The following SELENOF variants were observed in gnomAD, a reference collection of about 807,000 sequenced individuals.
SELENOF encodes selenoprotein F, also known as 15 kDa selenoprotein.
In SELENOF, 16 loss-of-function variants were observed where a neutral mutation model predicts 20.5. The observed-to-expected ratio is 0.78, with a 90% confidence interval of 0.53 to 1.19. The LOEUF (loss-of-function observed/expected upper bound fraction) is 1.19, where lower values mean the gene tolerates loss of function less well. SELENOF is among the 50% of genes most tolerant of loss of function. The pLI, the probability that SELENOF is intolerant of heterozygous loss-of-function variation, is 0.00. For synonymous variants in SELENOF, 78 were observed against 74.5 expected (o/e 1.05, Z -0.24); for missense variants, 215 against 194.2 (o/e 1.11, Z -0.64).
chr1:86,901,117 T>G (rs892252457), intron 2 of SELENOF, among the ~76,000 whole-genome samples: 3 of 152,218 alleles, frequency 2.0e-5, no homozygotes, highest in Admixed American at 2.0e-4. Context: ...TAAATATTTT[T>G]AATGTAAGGC....
chr1:86,891,561 A>G (rs927700190), intron 2 of SELENOF, among the ~76,000 whole-genome samples: 5 of 152,208 alleles, frequency 3.3e-5, no homozygotes, highest in East Asian at 1.9e-4. Flanking sequence ...GAAAGTTGTA[A>G]TATGTTTAGA....
chr1:86,903,409 T>C lies in SELENOF; in HGVS notation c.124A>G (p.Arg42Gly). 1 of 1,610,612 alleles carries C rather than the reference T, an allele frequency of 6.2e-7. No individual in the cohort carries two copies. The highest frequency in any genetic ancestry group is 1.1e-5 in the South Asian group (1 of 90,244). Residue 42 changes from arginine to glycine, a missense_variant, in exon 2 of 5, where the codon AGA becomes GGA. By Grantham distance (125) the Arg-to-Gly change is moderately radical. Transcript: ENST00000331835. The stretch of plus-strand genomic sequence containing the variant: ...AAGTTGCTAGAAAAGCCTAACTCTC[T>C]GCATGCCTCCGATGAAAACTCTGCC... ...FGAEFSSEACRELGFSSNLLC... is the reference protein window; with the variant it reads ...FGAEFSSEACGELGFSSNLLC...
intron 3 of SELENOF, among the ~76,000 whole-genome samples, chr1:86,870,964 A>G (rs1658749370): frequency 6.6e-6 from 1 of 152,106 alleles, no homozygotes; most frequent in Non-Finnish European, 1.5e-5. Flanking sequence ...AAGTGAACAA[A>G]TTTAAAAGGA....
chr1:86,882,494 T>TA (rs77238406), intron 2 of SELENOF, among the ~76,000 whole-genome samples: 1,971 of 130,152 alleles, frequency 0.015, 25 homozygotes, highest in African/African-American at 0.031. Context: ...TAGCTATTAT[T>TA]AAAAAAAAAA....
chr1:86,882,593 T>G (rs1570385745), intron 2 of SELENOF, among the ~76,000 whole-genome samples: 1 of 151,956 alleles, frequency 6.6e-6, no homozygotes, highest in Admixed American at 6.6e-5. Context: ...GAAAATGGAA[T>G]TGCAGTTTTG....
rs1359494723 is a variant in SELENOF at position 86,863,609 on chromosome 1, CAA to C, written c.367-6_367-5del. On this transcript the variant is annotated splice_polypyrimidine_tract_variant and splice_region_variant and intron_variant, in intron 4 of 4. Coordinates refer to ENST00000331835, the MANE Select transcript of SELENOF (RefSeq NM_004261.5). ...CAGGGTCTGAACCACGGACATACTA[CAA>C]AAAAGAGGGACGTCATCATTACTTT... 1 of 1,607,292 alleles carries C rather than the reference CAA, an allele frequency of 6.2e-7. No individual in the cohort carries two copies. The highest frequency in any genetic ancestry group is 8.5e-7 in the Non-Finnish European group (1 of 1,176,410).
At chr1:86,888,751 C>T (rs1659298661) in intron 2 of SELENOF, among the ~76,000 whole-genome samples, 1 of 152,214 alleles carries the variant, frequency 6.6e-6, no homozygotes, top group African/African-American at 2.4e-5. Flanking sequence ...GCAACCCCCA[C>T]CTCCCAGGTT....
At chr1:86,894,458 A>G (rs1467018725) in intron 2 of SELENOF, among the ~76,000 whole-genome samples, 1 of 152,096 alleles carries the variant, frequency 6.6e-6, no homozygotes, top group Non-Finnish European at 1.5e-5. Context: ...AATAGTAAAA[A>G]CCAATAAATA....
chr1:86,888,262 C>CAA (rs11454409), intron 2 of SELENOF, among the ~76,000 whole-genome samples: 34 of 87,380 alleles, frequency 3.9e-4, no homozygotes, highest in Admixed American at 7.9e-4. Context: ...GACTCCATCT[C>CAA]AAAAAAAAAA....
intron 2 of SELENOF, among the ~76,000 whole-genome samples, chr1:86,901,808 A>G (rs757178918): frequency 6.6e-6 from 1 of 152,252 alleles, no homozygotes. Flanking sequence ...AAAGGCAGTA[A>G]GTAAAAATAG....
At chr1:86,908,295 G>A (rs1013377906) in intron 1 of SELENOF, among the ~76,000 whole-genome samples, 3 of 152,164 alleles carry the variant, frequency 2.0e-5, no homozygotes, top group Non-Finnish European at 2.9e-5. Flanking sequence ...ATTACAGAAT[G>A]AACTCCATGA....
upstream of SELENOF, chr1:86,914,139 G>A (rs765471472): frequency 3.7e-6 from 6 of 1,608,838 alleles, no homozygotes; most frequent in East Asian, 2.2e-5. Flanking sequence ...CTGCCTAGAA[G>A]GACCCCTAAG....
intron 2 of SELENOF, among the ~76,000 whole-genome samples, chr1:86,882,130 G>A (rs1361761751): frequency 6.6e-6 from 1 of 151,536 alleles, no homozygotes; most frequent in Non-Finnish European, 1.5e-5. Context: ...TACTCGTGGG[G>A]CTGAGGCAGA....
rs1161836516 is a variant in SELENOF at position 86,862,613 on chromosome 1, C to T, written c.*861G>A. 6.6e-6 allele frequency: 1 copy of T among 152,034 alleles called. No homozygotes were observed. The highest frequency in any genetic ancestry group is 1.5e-5 in the Non-Finnish European group (1 of 68,010). 9.4% of individuals were successfully genotyped at this position (152,034 alleles called of 1,614,324 possible). A position where few individuals can be genotyped will look rare whatever the true frequency, so the allele number is the denominator to read the frequency against. ...AAGATGTTATAAGTTTTAAATATTA[C>T]AGCCATTTTTACATTTTGGCTAAAA... On this transcript the variant is annotated 3_prime_UTR_variant, in exon 5 of 5. Transcript: ENST00000331835.
chr1:86,893,450 CAAAAAAAAA>C (rs10714134), intron 2 of SELENOF, among the ~76,000 whole-genome samples: 4 of 90,528 alleles, frequency 4.4e-5, no homozygotes, highest in Non-Finnish European at 9.8e-5. Flanking sequence ...TACTAAAATA[CAAAAAAAAA>C]AAAAAAAAAA....
intron 2 of SELENOF, among the ~76,000 whole-genome samples, chr1:86,895,693 ATTTG>A (rs1333756202): frequency 3.3e-5 from 5 of 152,216 alleles, no homozygotes; most frequent in African/African-American, 7.2e-5. Context: ...GGCTGAAATA[ATTTG>A]TTTATTATTT....
chr1:86,882,165 GAGGTTGCAGTGAGCCGA>G (rs1166138739), intron 2 of SELENOF, among the ~76,000 whole-genome samples: 2 of 149,994 alleles, frequency 1.3e-5, no homozygotes, highest in Non-Finnish European at 3.0e-5. Flanking sequence ...CCAGGAGGCG[GAGGTTGCAGTGAGCCGA>G]AGGTTGCAGT....
At chr1:86,887,032 C>A in intron 2 of SELENOF, 1 of 1,082,034 alleles carries the variant, frequency 9.2e-7, no homozygotes, top group Non-Finnish European at 1.2e-6. Flanking sequence ...AAAATTTGGT[C>A]AGCGAATTCT....
intron 2 of SELENOF, among the ~76,000 whole-genome samples, chr1:86,900,968 C>G (rs1440005324): frequency 1.3e-5 from 2 of 152,196 alleles, no homozygotes; most frequent in African/African-American, 4.8e-5. Context: ...TCTCAGCTCA[C>G]TGCAACCTCT....
Sources: gnomAD v4.1 joint callset for allele counts (sites outside exome capture counted in the v4.1 genomes callset) on GRCh38, gnomAD v4.1.1 for gene constraint, MANE v1.5 for transcripts, NCBI Gene and HGNC (gene_info 2026-07-23, HGNC 2026-07-21) for gene names.